The following RAP1GDS1 variants were observed in gnomAD, a reference collection of about 807,000 sequenced individuals.
The protein encoded by RAP1GDS1 is Rap1 GTPase-GDP dissociation stimulator 1.
In RAP1GDS1, 35 loss-of-function variants were observed where a neutral mutation model predicts 71.1. The observed-to-expected ratio is 0.49, with a 90% CI of 0.38 to 0.65. The LOEUF (loss-of-function observed/expected upper bound fraction) is 0.65. Ranked by LOEUF, RAP1GDS1 falls within the 30% of genes least tolerant of loss-of-function variation. The probability of loss-of-function intolerance (pLI) is 0.00; values close to 1 mark genes in which losing one functional copy is unlikely to be tolerated. For missense variants in RAP1GDS1, 663 were observed against 706.1 expected (o/e 0.94, Z 0.69); for synonymous variants, 229 against 243.1 (o/e 0.94, Z 0.54).
chr4:98,291,598 T>A (rs1726929993), intron 1 of RAP1GDS1, among the ~76,000 whole-genome samples: 1 of 152,322 alleles, frequency 6.6e-6, no homozygotes, highest in Non-Finnish European at 1.5e-5. Context: ...TCTGCTAGAA[T>A]TTAAAATATC....
intron 3 of RAP1GDS1, among the ~76,000 whole-genome samples, chr4:98,351,367 G>T (rs553086718): frequency 6.6e-6 from 1 of 152,238 alleles, no homozygotes; most frequent in Non-Finnish European, 1.5e-5. Flanking sequence ...AGGAGGAAAA[G>T]AAGTTGTCTC....
At chr4:98,320,496 C>G (rs1731668346) in intron 2 of RAP1GDS1, among the ~76,000 whole-genome samples, 1 of 152,236 alleles carries the variant, frequency 6.6e-6, no homozygotes, top group Non-Finnish European at 1.5e-5. Flanking sequence ...GTGAGCAACG[C>G]AGAAGACGGG....
chr4:98,405,885 CTT>C lies in RAP1GDS1; in HGVS notation c.763+1284_763+1285del, dbSNP rs570241998. ...AACATTGAATATATCAAAAAAATAA[CTT>C]ATTGTGAAGTTTACAATGTACATTT... On this transcript the variant is annotated intron_variant, in intron 7 of 14. Transcript: ENST00000408927. 3.3e-3 allele frequency among the ~76,000 whole-genome samples: 499 copies of C among 151,892 alleles called. 4 individuals are homozygous for C. The highest frequency in any genetic ancestry group is 5.3e-3 in the Non-Finnish European group (360 of 67,874).
intron 7 of RAP1GDS1, among the ~76,000 whole-genome samples, chr4:98,415,753 C>T (rs1747857023): frequency 6.6e-6 from 1 of 151,948 alleles, no homozygotes; most frequent in Non-Finnish European, 1.5e-5. Context: ...TTATGTTTAG[C>T]CATCAGAAAG....
At chr4:98,310,772 G>A (rs1399938754) in intron 2 of RAP1GDS1, among the ~76,000 whole-genome samples, 2 of 151,644 alleles carry the variant, frequency 1.3e-5, no homozygotes, top group African/African-American at 4.9e-5. Context: ...CGGCAAAGTT[G>A]AAATTGAGAT....
intron 2 of RAP1GDS1, among the ~76,000 whole-genome samples, chr4:98,299,219 C>G (rs1433899100): frequency 6.6e-6 from 1 of 152,102 alleles, no homozygotes; most frequent in Non-Finnish European, 1.5e-5. Context: ...CTTCTGTATC[C>G]CTGCAAAGGA....
chr4:98,305,745 C>T (rs1244406295), intron 2 of RAP1GDS1, among the ~76,000 whole-genome samples: 5 of 152,198 alleles, frequency 3.3e-5, no homozygotes, highest in Admixed American at 2.0e-4. Flanking sequence ...GGATATAAAT[C>T]TCCATTGGTA....
intron 5 of RAP1GDS1, among the ~76,000 whole-genome samples, chr4:98,381,039 A>C (rs1741928198): frequency 6.6e-6 from 1 of 151,690 alleles, no homozygotes; most frequent in African/African-American, 2.4e-5. Flanking sequence ...CTGAGAAAGA[A>C]GATTATAATT....
chr4:98,324,857 G>A (rs1231674104), intron 2 of RAP1GDS1, among the ~76,000 whole-genome samples: 3 of 152,160 alleles, frequency 2.0e-5, no homozygotes, highest in East Asian at 1.9e-4. Context: ...GTACATAAGC[G>A]TGGGCAAGGA....
intron 4 of RAP1GDS1, among the ~76,000 whole-genome samples, chr4:98,363,360 T>C (rs1560903907): frequency 1.3e-5 from 2 of 151,564 alleles, no homozygotes; most frequent in Admixed American, 1.3e-4. Flanking sequence ...GGCACGTGTC[T>C]GTAATCCCAG....
At position 98,421,355 on chromosome 4, in the gene RAP1GDS1, C is replaced by G. The variant is rs770485208; in HGVS notation, c.1401C>G (p.Asn467Lys). ...KDHAGVMGESNRLLSALIRHS... is the reference protein window; with the variant it reads ...KDHAGVMGESKRLLSALIRHS... ...ATGCTGGTGTGATGGGGGAGTCAAA[C>G]AGACTGCTGTCTGCCCTTATACGAC... Residue 467 changes from asparagine to lysine, a missense_variant, in exon 12 of 15, where the codon AAC becomes AAG. Transcript: ENST00000408927. 158 of 1,609,254 alleles carry G rather than the reference C, an allele frequency of 9.8e-5. 1 individual carries two copies. The highest frequency in any genetic ancestry group is 3.4e-6 in the Non-Finnish European group (4 of 1,177,322).
intron 1 of RAP1GDS1, among the ~76,000 whole-genome samples, chr4:98,281,992 G>A (rs1725178510): frequency 6.6e-6 from 1 of 152,152 alleles, no homozygotes; most frequent in African/African-American, 2.4e-5. Flanking sequence ...TTTTTGATGT[G>A]CTGCTGGATT....
At chr4:98,361,384 G>C (rs1246487887) in intron 4 of RAP1GDS1, among the ~76,000 whole-genome samples, 3 of 151,932 alleles carry the variant, frequency 2.0e-5, no homozygotes, top group Non-Finnish European at 2.9e-5. Flanking sequence ...CTATGTAAAA[G>C]TAACTTTTAT....
chr4:98,270,702 G>A (rs144459898), intron 1 of RAP1GDS1, among the ~76,000 whole-genome samples: 323 of 151,760 alleles, frequency 2.1e-3, no homozygotes, highest in African/African-American at 7.5e-3. Context: ...TTTGAACAGC[G>A]CAGTTCCACT....
chr4:98,318,797 T>G (rs1731325529), intron 2 of RAP1GDS1, among the ~76,000 whole-genome samples: 1 of 152,194 alleles, frequency 6.6e-6, no homozygotes, highest in South Asian at 2.1e-4. Flanking sequence ...ACATTCTGAA[T>G]CAGATGGAAG....
chr4:98,365,014 C>T (rs1739270936), intron 4 of RAP1GDS1, among the ~76,000 whole-genome samples: 1 of 151,684 alleles, frequency 6.6e-6, no homozygotes, highest in Non-Finnish European at 1.5e-5. Flanking sequence ...CAAGAAGACC[C>T]TGTCTCAAAA....
intron 2 of RAP1GDS1, among the ~76,000 whole-genome samples, chr4:98,338,604 A>G (rs923266195): frequency 3.3e-5 from 5 of 152,134 alleles, no homozygotes; most frequent in Non-Finnish European, 7.3e-5. Context: ...TCTTCTCACA[A>G]TCTGCCGTAA....
chr4:98,427,410 A>G (rs887464042), intron 12 of RAP1GDS1, among the ~76,000 whole-genome samples: 1 of 152,176 alleles, frequency 6.6e-6, no homozygotes, highest in Non-Finnish European at 1.5e-5. Context: ...ACATCGGTAA[A>G]GAGGAAGTTA....
intron 2 of RAP1GDS1, among the ~76,000 whole-genome samples, chr4:98,300,287 A>ACTTAC (rs1403970510): frequency 6.6e-6 from 1 of 152,252 alleles, no homozygotes; most frequent in Non-Finnish European, 1.5e-5. Context: ...GAAGGCTCAG[A>ACTTAC]TGATCGCTAG....
Sources: gnomAD v4.1 joint callset for allele counts (sites outside exome capture counted in the v4.1 genomes callset) on GRCh38, gnomAD v4.1.1 for gene constraint, MANE v1.5 for transcripts, NCBI Gene and HGNC (gene_info 2026-07-23, HGNC 2026-07-21) for gene names.